The following SHLD1 variants were observed in gnomAD, a reference collection of about 807,000 sequenced individuals.
SHLD1 encodes shieldin complex subunit 1, also known as RINN1-REV7-interacting novel NHEJ regulator 3.
In SHLD1, 3 loss-of-function variants were observed where a neutral mutation model predicts 5.5. The observed-to-expected ratio is 0.54, with a 90% CI of 0.25 to 1.40. The LOEUF is 1.40. SHLD1 is among the 40% of genes most tolerant of loss of function. The probability of loss-of-function intolerance (pLI) is 0.15; values close to 1 mark genes in which losing one functional copy is unlikely to be tolerated. For synonymous variants in SHLD1, 92 were observed against 94.3 expected (o/e 0.98, Z 0.14); for missense variants, 210 against 244.4 (o/e 0.86, Z 0.94).
chr20:5,769,351 A>G lies in SHLD1; in HGVS notation c.-4-3511A>G, dbSNP rs75342611. Among the ~76,000 whole-genome samples, 1,504 of 152,318 alleles carry G rather than the reference A, an allele frequency of 9.9e-3. 30 individuals are homozygous for G. The highest frequency in any genetic ancestry group is 0.034 in the African/African-American group (1,428 of 41,564). On this transcript the variant is annotated intron_variant, in intron 1 of 2. Transcript: ENST00000303142. ...TAATGTTTCTTCTCTGCTGAGAGCA[A>G]TTCTTTCTCATGATGAAGAAAACAG...
chr20:5,817,424 CTCTCTCTCTGTGTGTGTG>C (rs1233222644), intron 2 of SHLD1, among the ~76,000 whole-genome samples: 4 of 130,236 alleles, frequency 3.1e-5, no homozygotes, highest in African/African-American at 1.5e-4. Flanking sequence ...CTCTCTCTCT[CTCTCTCTCTGTGTGTGTG>C]TGTGTGTGTG....
chr20:5,772,902 G>C lies in SHLD1; in HGVS notation c.37G>C (p.Glu13Gln), dbSNP rs774797818. 29 of 1,614,122 alleles carry C rather than the reference G, an allele frequency of 1.8e-5. No homozygotes were observed. The highest frequency in any genetic ancestry group is 2.4e-5 in the Non-Finnish European group (28 of 1,180,014). The part of the protein sequence containing the change: ...ARDATSGSLS[E>Q]ESSALDLPSA... Reference sequence around the variant, plus strand: ...GGACGCCACTTCAGGCAGCCTGTCAGAGGAGAGCAGTGCTTTGGACCTGCC... The same window carrying C: ...GGACGCCACTTCAGGCAGCCTGTCACAGGAGAGCAGTGCTTTGGACCTGCC... The change falls in exon 2 of 3, where the codon GAG becomes CAG. Residue 13 changes from glutamate (E) to glutamine (Q), a missense_variant. Transcript: ENST00000303142.
chr20:5,812,253 G>A (rs2122378302), intron 2 of SHLD1, among the ~76,000 whole-genome samples: 1 of 152,120 alleles, frequency 6.6e-6, no homozygotes, highest in South Asian at 2.1e-4. Context: ...TCAGTTTTCT[G>A]TAGTCCCTAG....
intron 2 of SHLD1, among the ~76,000 whole-genome samples, chr20:5,824,872 A>C (rs2087648382): frequency 6.6e-6 from 1 of 152,060 alleles, no homozygotes; most frequent in Non-Finnish European, 1.5e-5. Context: ...AATTCTTGTG[A>C]CTTCTGTACG....
intron 2 of SHLD1, among the ~76,000 whole-genome samples, chr20:5,781,805 G>C (rs529183748): frequency 6.6e-6 from 1 of 152,222 alleles, no homozygotes; most frequent in South Asian, 2.1e-4. Context: ...TTTCCTTCCA[G>C]CTCCAATCAA....
chr20:5,823,577 A>G (rs1044262280), intron 2 of SHLD1, among the ~76,000 whole-genome samples: 2 of 150,894 alleles, frequency 1.3e-5, no homozygotes, highest in Non-Finnish European at 2.9e-5. Context: ...CCTTCCTAGT[A>G]GCTGGGATTA....
Position 5,807,181 on chromosome 20 carries a change from A to G in SHLD1, c.178+34138A>G, listed in dbSNP as rs185663247. On this transcript the variant is annotated intron_variant, in intron 2 of 2. Coordinates refer to ENST00000303142, the MANE Select transcript of SHLD1 (RefSeq NM_152504.4). ...GATTCAAAATTGGCACAATTATATC[A>G]TCCTAATTAAAAAAATAAACCTGAA... Among the ~76,000 whole-genome samples, 256 of 152,244 alleles carry G rather than the reference A, an allele frequency of 1.7e-3. 1 individual carries two copies. Among genetic ancestry groups the G allele is most frequent in the African/African-American group, 5.5e-3 (230 of 41,512 alleles).
At chr20:5,862,794 C>G (rs1343178) in intron 2 of SHLD1, among the ~76,000 whole-genome samples, 110,572 of 152,158 alleles carry the variant, frequency 0.73, 40,344 homozygotes, top group African/African-American at 0.79. Context: ...ACAGGGACAT[C>G]GGGCTAAGAA....
chr20:5,751,411 A>G (rs1441513698), intron 1 of SHLD1, among the ~76,000 whole-genome samples: 1 of 152,032 alleles, frequency 6.6e-6, no homozygotes, highest in East Asian at 1.9e-4. Context: ...GGTTCAAGCT[A>G]GTCTCCTGCC....
intron 2 of SHLD1, among the ~76,000 whole-genome samples, chr20:5,836,013 AT>A (rs1282372363): frequency 6.6e-6 from 1 of 152,156 alleles, no homozygotes; most frequent in Non-Finnish European, 1.5e-5. Context: ...ACCAGGAGTT[AT>A]TCAGCTTCAC....
intron 2 of SHLD1, among the ~76,000 whole-genome samples, chr20:5,851,821 G>T (rs868384191): frequency 0.027 from 4,089 of 151,498 alleles, 191 homozygotes; most frequent in African/African-American, 0.094. Context: ...TGGCGGGGGG[G>T]CATTTTTAAA....
intron 2 of SHLD1, among the ~76,000 whole-genome samples, chr20:5,819,141 T>G (rs1272170835): frequency 1.3e-5 from 2 of 152,056 alleles, no homozygotes; most frequent in Non-Finnish European, 2.9e-5. Flanking sequence ...GGATTACAAG[T>G]GTGAGCCACC....
chr20:5,763,946 T>TAAAAAAAAAAAA (rs1233102331), intron 1 of SHLD1, among the ~76,000 whole-genome samples: 1 of 70,174 alleles, frequency 1.4e-5, no homozygotes, highest in Admixed American at 2.0e-4. Flanking sequence ...CCGTCTTTAC[T>TAAAAAAAAAAAA]AAAAAAAAAA....
At chr20:5,789,287 G>C (rs1490792421) in intron 2 of SHLD1, among the ~76,000 whole-genome samples, 3 of 149,992 alleles carry the variant, frequency 2.0e-5, no homozygotes, top group African/African-American at 7.4e-5. Flanking sequence ...TACCATTAAA[G>C]GGTAATTGGC....
chr20:5,837,114 C>T (rs773328643), intron 2 of SHLD1, among the ~76,000 whole-genome samples: 3 of 152,054 alleles, frequency 2.0e-5, no homozygotes, highest in Admixed American at 6.6e-5. Flanking sequence ...GAAGATTCTC[C>T]GGGAGGGCTG....
intron 1 of SHLD1, among the ~76,000 whole-genome samples, chr20:5,768,932 A>T (rs1159696040): frequency 7.0e-6 from 1 of 143,458 alleles, no homozygotes; most frequent in African/African-American, 2.6e-5. Context: ...GGTAAGACAC[A>T]GGTCTCACTC....
intron 2 of SHLD1, among the ~76,000 whole-genome samples, chr20:5,816,633 T>C (rs1271929591): frequency 2.6e-5 from 4 of 152,218 alleles, no homozygotes; most frequent in Non-Finnish European, 5.9e-5. Context: ...TCTCCTGATT[T>C]GTTTCCAGTT....
At chr20:5,751,139 C>G (rs1265696149) in intron 1 of SHLD1, among the ~76,000 whole-genome samples, 1 of 152,220 alleles carries the variant, frequency 6.6e-6, no homozygotes, top group African/African-American at 2.4e-5. Context: ...ATTCTACATT[C>G]ACCACGTCCA....
At chr20:5,818,447 G>A (rs1292368734) in intron 2 of SHLD1, among the ~76,000 whole-genome samples, 1 of 152,176 alleles carries the variant, frequency 6.6e-6, no homozygotes, top group Admixed American at 6.5e-5. Context: ...CATTGCCAGA[G>A]GCTGTTCACT....
Sources: gnomAD v4.1 joint callset for allele counts (sites outside exome capture counted in the v4.1 genomes callset) on GRCh38, gnomAD v4.1.1 for gene constraint, MANE v1.5 for transcripts, NCBI Gene and HGNC (gene_info 2026-07-23, HGNC 2026-07-21) for gene names.